The following LINGO2 variants were observed in gnomAD, a reference collection of about 807,000 sequenced individuals.
LINGO2 encodes leucine-rich repeat and immunoglobulin-like domain-containing nogo receptor-interacting protein 2.
In LINGO2, 14 loss-of-function variants were observed where a neutral mutation model predicts 30.6. The ratio of observed to expected loss-of-function variants is 0.46; its 90% confidence interval spans 0.30 to 0.72. The LOEUF (loss-of-function observed/expected upper bound fraction) is 0.72. LINGO2 is among the 30% of genes least tolerant of loss of function. The pLI, the probability that LINGO2 is intolerant of heterozygous loss-of-function variation, is 0.07. For synonymous variants in LINGO2, 317 were observed against 288.5 expected, an observed-to-expected ratio of 1.10 and a Z score of -1.00; for missense variants, 729 against 751.7, an observed-to-expected ratio of 0.97 and a Z score of 0.35.
the LINGO2 span, among the ~76,000 whole-genome samples, chr9:29,124,684 C>T: frequency 4.0e-5 from 6 of 151,842 alleles, no homozygotes; most frequent in Non-Finnish European, 8.8e-5. Context: ...TGGTCATTAG[C>T]GAAATGCAAA....
chr9:28,919,428 C>T, the LINGO2 span, among the ~76,000 whole-genome samples: 4 of 152,064 alleles, frequency 2.6e-5, no homozygotes, highest in African/African-American at 9.7e-5. Flanking sequence ...CCAAAAAGTG[C>T]CATGTATAAC....
At chr9:29,082,826 G>C in the LINGO2 span, among the ~76,000 whole-genome samples, 2 of 152,112 alleles carry the variant, frequency 1.3e-5, no homozygotes, top group Non-Finnish European at 2.9e-5. Context: ...ACAGATACAT[G>C]AAAAAATGCT....
At chr9:28,086,685 T>C (rs10968337) in intron 4 of LINGO2, among the ~76,000 whole-genome samples, 13,419 of 152,060 alleles carry the variant, frequency 0.088, 756 homozygotes, top group East Asian at 0.2. Context: ...TCCCAAATGG[T>C]ATCACACACA....
intron 1 of LINGO2, among the ~76,000 whole-genome samples, chr9:28,592,675 ATGGG>A (rs1824974583): frequency 6.6e-6 from 1 of 152,036 alleles, no homozygotes; most frequent in Admixed American, 6.6e-5. Context: ...GTATGGAGGT[ATGGG>A]TGTTATTTTT....
chr9:28,648,043 C>T (rs945142212), intron 1 of LINGO2, among the ~76,000 whole-genome samples: 1 of 151,808 alleles, frequency 6.6e-6, no homozygotes, highest in Non-Finnish European at 1.5e-5. Flanking sequence ...TGCTTAAGCA[C>T]AAGACAAGAC....
intron 1 of LINGO2, among the ~76,000 whole-genome samples, chr9:28,529,177 A>G (rs1427128425): frequency 6.6e-6 from 1 of 152,140 alleles, no homozygotes; most frequent in African/African-American, 2.4e-5. Flanking sequence ...CCAGTACCTC[A>G]GGCAGAGTTA....
intron 5 of LINGO2, among the ~76,000 whole-genome samples, chr9:27,979,522 A>G (rs759729972): frequency 9.9e-5 from 15 of 151,970 alleles, no homozygotes; most frequent in Non-Finnish European, 4.4e-5. Flanking sequence ...ATATATATAC[A>G]CATTTTAATA....
rs1820119506 is a variant in LINGO2, at chr9:28,506,412, AT to A, written c.-364-30388del. ...GGGCTTCTTAGACATATATATATAT[AT>A]ATATATATACACACACACACACACA... On this transcript the variant is annotated intron_variant, in intron 1 of 5. Transcript: ENST00000379992. 2.5e-4 allele frequency among the ~76,000 whole-genome samples: 17 copies of A among 67,274 alleles called. 1 individual carries two copies. Among genetic ancestry groups the A allele is most frequent in the Admixed American group, 4.9e-4 (3 of 6,084 alleles). 44.1% of individuals were successfully genotyped at this position (67,274 alleles called of 152,430 possible). A position where few individuals can be genotyped will look rare whatever the true frequency, so the allele number is the denominator to read the frequency against.
At chr9:28,263,252 A>G (rs1822629715) in intron 4 of LINGO2, among the ~76,000 whole-genome samples, 1 of 151,952 alleles carries the variant, frequency 6.6e-6, no homozygotes, top group Non-Finnish European at 1.5e-5. Context: ...TCCTCTTTGA[A>G]ATGGTTCATT....
At chr9:28,956,612 C>G in the LINGO2 span, among the ~76,000 whole-genome samples, 1 of 98,168 alleles carries the variant, frequency 1.0e-5, no homozygotes, top group Non-Finnish European at 2.1e-5. Context: ...CCTTCTTTCC[C>G]TCCCACCCTC....
At chr9:28,668,887 A>T (rs113757403) in intron 1 of LINGO2, among the ~76,000 whole-genome samples, 15 of 152,192 alleles carry the variant, frequency 9.9e-5, no homozygotes, top group African/African-American at 3.6e-4. Flanking sequence ...TCTTTTCACA[A>T]GATTGTCAAT....
rs189266270 is a variant in LINGO2 at position 28,153,655 on chromosome 9, T to C, written c.-86-141250A>G. Among the ~76,000 whole-genome samples, 310 of 152,320 alleles carry C rather than the reference T, an allele frequency of 2.0e-3. No homozygotes were observed. In the Middle Eastern group the frequency reaches 0.02, roughly 10 times the overall value. The stretch of plus-strand genomic sequence containing the variant: ...TTTCCCATTTCGAGTTCGTCAATTT[T>C]TAAACGTTTTCTAATTGTTAAAATA... On this transcript the variant is annotated intron_variant, in intron 4 of 5. Coordinates refer to ENST00000379992, the Ensembl canonical transcript of LINGO2.
the LINGO2 span, among the ~76,000 whole-genome samples, chr9:28,717,224 T>C: frequency 6.6e-6 from 1 of 151,836 alleles, no homozygotes; most frequent in Non-Finnish European, 1.5e-5. Flanking sequence ...TCATTCATAT[T>C]GGAGGAGTGT....
rs1446108748 is a variant in LINGO2 at position 28,634,477 on chromosome 9, CT to C, written c.-365+35722del. On this transcript the variant is annotated intron_variant, in intron 1 of 5. Transcript: ENST00000379992. ...CCTCCCCCCACACTTTCTTTCTTTT[CT>C]TTTTTTCTTTTTTTTTTTTTTTTTT... Among the ~76,000 whole-genome samples the C allele has an allele frequency of 1.1e-3, 144 of 135,882 alleles. 1 individual carries two copies. Among genetic ancestry groups the C allele is most frequent in the African/African-American group, 3.7e-3 (128 of 34,298 alleles). 89.1% of individuals were successfully genotyped at this position (135,882 alleles called of 152,430 possible).
chr9:28,890,409 G>A, the LINGO2 span, among the ~76,000 whole-genome samples: 1 of 152,044 alleles, frequency 6.6e-6, no homozygotes, highest in Non-Finnish European at 1.5e-5. Context: ...GGGCAGCACT[G>A]CCATGGAGAC....
chr9:28,484,111 T>C (rs1826077017), intron 1 of LINGO2, among the ~76,000 whole-genome samples: 1 of 152,018 alleles, frequency 6.6e-6, no homozygotes. Context: ...TTCACCTGAA[T>C]GAGGTGAGTA....
At chr9:28,307,898 G>C (rs1012218702) in intron 3 of LINGO2, among the ~76,000 whole-genome samples, 6 of 152,112 alleles carry the variant, frequency 3.9e-5, no homozygotes, top group African/African-American at 1.4e-4. Flanking sequence ...TCTTCAAGGA[G>C]AACTACAAAC....
rs557103647 is a variant in LINGO2 at position 28,180,571 on chromosome 9, C to T, written c.-87+114637G>A. On this transcript the variant is annotated intron_variant, in intron 4 of 5. Transcript: ENST00000379992. ...ATTCTCAGTCCTCATGTTTTCTATCCAGTTTCATCTTCACTTTATCCTCAC... is the reference window on the plus strand; with the variant it reads ...ATTCTCAGTCCTCATGTTTTCTATCTAGTTTCATCTTCACTTTATCCTCAC... Among the ~76,000 whole-genome samples, 43 of 152,196 alleles carry T rather than the reference C, an allele frequency of 2.8e-4. No homozygotes were observed. In the South Asian group the frequency reaches 3.1e-3, roughly 11 times the overall value.
At chr9:27,946,625 G>T (rs1823373861), downstream of LINGO2, among the ~76,000 whole-genome samples, 2 of 151,702 alleles carry the variant, frequency 1.3e-5, no homozygotes, top group South Asian at 2.1e-4. Context: ...AAGTTTTTTT[G>T]AAATCTCTAA....
Sources: allele counts gnomAD v4.1 joint callset (sites outside exome capture counted in the v4.1 genomes callset), GRCh38; gene constraint gnomAD v4.1.1; transcripts MANE v1.5; gene names NCBI Gene and HGNC (gene_info 2026-07-23, HGNC 2026-07-21).